WDPCP: variants seen among roughly 807,000 people sequenced by gnomAD.
WDPCP encodes the protein WD repeat containing planar cell polarity effector, also known as WD repeat-containing and planar cell polarity effector protein fritz homolog.
A neutral mutation model predicts 93.1 loss-of-function variants in WDPCP; 71 were observed. The observed-to-expected ratio is 0.76, with a 90% confidence interval of 0.63 to 0.93. The LOEUF (loss-of-function observed/expected upper bound fraction) is 0.93. Ranked by LOEUF, WDPCP falls within the 40% of genes least tolerant of loss-of-function variation. WDPCP has a pLI of 0.00. For synonymous variants in WDPCP, 315 were observed against 315.0 expected, an observed-to-expected ratio of 1.00 and a Z score of 0.00; for missense variants, 844 against 887.4, an observed-to-expected ratio of 0.95 and a Z score of 0.62.
At chr2:63,221,567 A>C (rs1677834324) in intron 14 of WDPCP, among the ~76,000 whole-genome samples, 1 of 152,220 alleles carries the variant, frequency 6.6e-6, no homozygotes, top group African/African-American at 2.4e-5. Flanking sequence ...GACAGTTCAG[A>C]TGTAGCAACT....
intron 2 of WDPCP, among the ~76,000 whole-genome samples, chr2:63,659,953 C>T (rs1465362822): frequency 6.6e-6 from 1 of 152,150 alleles, no homozygotes. Context: ...TGCAAAGATA[C>T]AACTCTGGCC....
chr2:63,818,968 G>A (rs1028655530), intron 1 of WDPCP, among the ~76,000 whole-genome samples: 3 of 151,824 alleles, frequency 2.0e-5, no homozygotes, highest in Admixed American at 1.3e-4. Flanking sequence ...AAATACAAAC[G>A]TCTCTTGATA....
intron 2 of WDPCP, chr2:63,751,692 TA>T: frequency 2.0e-6 from 1 of 510,486 alleles, no homozygotes. Context: ...TGGTAGTAAC[TA>T]AAATCTTCTC....
chr2:63,464,113 A>T (rs1489493741), intron 6 of WDPCP, among the ~76,000 whole-genome samples: 2 of 152,198 alleles, frequency 1.3e-5, no homozygotes, highest in South Asian at 2.1e-4. Context: ...TTTGCAAAAC[A>T]TATGAAAGAG....
chr2:63,197,099 A>G (rs1339622968), intron 14 of WDPCP, among the ~76,000 whole-genome samples: 1 of 151,678 alleles, frequency 6.6e-6, no homozygotes, highest in African/African-American at 2.4e-5. Flanking sequence ...CTCTCCTTCA[A>G]CCTCCTTCAT....
chr2:63,265,871 T>G (rs182265320), intron 13 of WDPCP, among the ~76,000 whole-genome samples: 1 of 152,208 alleles, frequency 6.6e-6, no homozygotes, highest in Non-Finnish European at 1.5e-5. Flanking sequence ...TATAAATCAA[T>G]AAGTGTGATA....
chr2:63,295,778 G>C (rs933137909), intron 13 of WDPCP, among the ~76,000 whole-genome samples: 59 of 149,192 alleles, frequency 4.0e-4, no homozygotes, highest in Middle Eastern at 3.5e-3. Flanking sequence ...AAAAATCTTC[G>C]AACAACAACA....
In WDPCP at chr2:63,638,377, T is replaced by C. The variant is rs1182510220; in HGVS notation, n.488+12282A>G. Among the ~76,000 whole-genome samples the C allele has an allele frequency of 3.3e-5, 5 of 152,232 alleles. No homozygotes were observed. The East Asian group carries it at 7.7e-4, about 24-fold the overall frequency. ...CAAGGTATCTATGTGAGGCGATGAT[T>C]ATGTTAATTAACTTCATTGTGGTAA... On this transcript the variant is annotated intron_variant and non_coding_transcript_variant, in intron 3 of 4. Coordinates refer to the WDPCP transcript ENST00000467687.
At chr2:63,442,804 C>T (rs929787640) in intron 6 of WDPCP, 2 of 152,114 alleles carry the variant, frequency 1.3e-5, no homozygotes. Flanking sequence ...AATCTCATAT[C>T]CTAACAAAAA....
intron 12 of WDPCP, among the ~76,000 whole-genome samples, chr2:63,374,426 T>C (rs1691670030): frequency 1.3e-5 from 2 of 152,158 alleles, no homozygotes; most frequent in Admixed American, 6.5e-5. Flanking sequence ...GACCAGGAGA[T>C]TTTCTCTAAA....
At chr2:63,613,381 A>G (rs1484247838) in intron 3 of WDPCP, among the ~76,000 whole-genome samples, 1 of 152,254 alleles carries the variant, frequency 6.6e-6, no homozygotes, top group Admixed American at 6.5e-5. Context: ...CTAGCCAAGG[A>G]TGGCTCCAGC....
intron 9 of WDPCP, among the ~76,000 whole-genome samples, chr2:63,418,762 T>C (rs1249409393): frequency 1.3e-5 from 2 of 152,156 alleles, no homozygotes; most frequent in Non-Finnish European, 2.9e-5. Context: ...AAAAAACTTT[T>C]ATGAGGTGAA....
intron 2 of WDPCP, among the ~76,000 whole-genome samples, chr2:63,687,506 C>A (rs1668824779): frequency 2.0e-5 from 3 of 152,058 alleles, no homozygotes; most frequent in Admixed American, 2.0e-4. Flanking sequence ...ATAATCCCAT[C>A]AAAGAAAATG....
chr2:63,704,452 A>G lies in WDPCP; in HGVS notation n.309-53614T>C, dbSNP rs1234814902. Among the ~76,000 whole-genome samples the G allele has an allele frequency of 2.6e-5, 4 of 151,836 alleles. 1 individual carries two copies. Among genetic ancestry groups the G allele is most frequent in the African/African-American group, 9.6e-5 (4 of 41,480 alleles). ...GCTGTGGGTTTGTCATAGATAGCTC[A>G]TTTTTTTGAGATACGTCCCATCAAT... is the stretch of plus-strand genomic sequence containing the variant. On this transcript the variant is annotated intron_variant and non_coding_transcript_variant, in intron 2 of 4. Transcript: ENST00000467687.
intron 10 of WDPCP, among the ~76,000 whole-genome samples, chr2:63,394,523 A>G (rs1173582568): frequency 6.6e-6 from 1 of 152,182 alleles, no homozygotes; most frequent in Non-Finnish European, 1.5e-5. Context: ...TCAACCCAAC[A>G]ATCTCATTAC....
chr2:63,422,230 T>C (rs1405710204), intron 9 of WDPCP, among the ~76,000 whole-genome samples: 2 of 152,166 alleles, frequency 1.3e-5, no homozygotes, highest in Non-Finnish European at 2.9e-5. Context: ...TCACACCAGA[T>C]AGCAGAGAAG....
At chr2:63,458,184 T>C (rs1698769373) in intron 6 of WDPCP, among the ~76,000 whole-genome samples, 1 of 145,954 alleles carries the variant, frequency 6.9e-6, no homozygotes, top group African/African-American at 2.5e-5. Context: ...TCACCATTCC[T>C]AATCGACATA....
At chr2:63,757,577 T>C (rs1293070226) in intron 2 of WDPCP, among the ~76,000 whole-genome samples, 1 of 152,150 alleles carries the variant, frequency 6.6e-6, no homozygotes, top group Non-Finnish European at 1.5e-5. Flanking sequence ...ATATTTTGCA[T>C]CTCAGAAATA....
intron 2 of WDPCP, among the ~76,000 whole-genome samples, chr2:63,750,788 T>A (rs1426457750): frequency 1.3e-5 from 2 of 152,176 alleles, no homozygotes; most frequent in Non-Finnish European, 2.9e-5. Flanking sequence ...AGTGATAAAT[T>A]TGTGGGTGTT....
Sources: allele counts gnomAD v4.1 joint callset (sites outside exome capture counted in the v4.1 genomes callset), GRCh38; gene constraint gnomAD v4.1.1; transcripts MANE v1.5; gene names NCBI Gene and HGNC (gene_info 2026-07-23, HGNC 2026-07-21).